The following TRAK1 variants were observed in gnomAD, a reference collection of about 807,000 sequenced individuals.
TRAK1 encodes trafficking kinesin protein 1, also known as trafficking kinesin-binding protein 1.
Under a neutral mutation model 92.1 loss-of-function variants are expected in TRAK1, and 33 were observed. The observed-to-expected ratio is 0.36, with a 90% CI of 0.27 to 0.48. TRAK1 has a LOEUF of 0.48. Among genes scored for constraint, TRAK1 ranks in the 20% least tolerant of loss-of-function variants. The pLI is 0.99. For missense variants in TRAK1, 1,123 were observed against 1,257.9 expected (o/e 0.89, Z 1.62); for synonymous variants, 521 against 517.3 (o/e 1.01, Z -0.10).
In TRAK1 at chr3:42,033,325, G is replaced by A. The variant is rs956966799; in HGVS notation, c.-519+19208G>A. 3.3e-5 allele frequency among the ~76,000 whole-genome samples: 5 copies of A among 152,144 alleles called. No individual in the cohort carries two copies. In the South Asian group the frequency reaches 6.2e-4, roughly 19 times the overall value. ...TTCTGTGAATGTGGTGGGGCGGAGC[G>A]GCTTTGGTGTTTGGAAGCCTGAACC... is the stretch of plus-strand genomic sequence containing the variant. On this transcript the variant is annotated intron_variant, in intron 1 of 16. Transcript: ENST00000487159.
intron 1 of TRAK1, among the ~76,000 whole-genome samples, chr3:42,031,117 C>G (rs1254358872): frequency 6.6e-6 from 1 of 150,406 alleles, no homozygotes; most frequent in Non-Finnish European, 1.5e-5. Flanking sequence ...CTCACTGCAG[C>G]CTCCACCTCC....
rs1288910088 is a variant in TRAK1 at position 42,190,771 on chromosome 3, T to TCCTC, written c.691-774_691-771dup. 7.3e-5 allele frequency among the ~76,000 whole-genome samples: 11 copies of TCCTC among 151,150 alleles called. No individual in the cohort carries two copies. In the East Asian group the frequency reaches 1.2e-3, roughly 16 times the overall value. On this transcript the variant is annotated intron_variant, in intron 6 of 15. Coordinates refer to ENST00000327628, the MANE Select transcript of TRAK1 (RefSeq NM_001042646.3). ...TTGCCTCTTTCTCTCCCTCTTTCTC[T>TCCTC]CCTCCCTCCCTCCCTCTCTCCCTTC...
intron 2 of TRAK1, among the ~76,000 whole-genome samples, chr3:42,172,776 T>A (rs1382561401): frequency 1.3e-5 from 2 of 152,124 alleles, no homozygotes; most frequent in Non-Finnish European, 2.9e-5. Context: ...GGCGTGTGTA[T>A]TTTACTATGG....
chr3:42,118,957 C>G (rs1709513538), intron 1 of TRAK1, among the ~76,000 whole-genome samples: 1 of 152,114 alleles, frequency 6.6e-6, no homozygotes, highest in Non-Finnish European at 1.5e-5. Context: ...CTAGATGGCT[C>G]CACCTGCCTC....
intron 14 of TRAK1, chr3:42,211,679 G>A: frequency 6.1e-6 from 6 of 985,242 alleles, no homozygotes; most frequent in Non-Finnish European, 6.0e-6. Flanking sequence ...TGTACAGAAG[G>A]ACTAAAGCTT....
At chr3:42,033,597 A>G (rs879302286) in intron 1 of TRAK1, among the ~76,000 whole-genome samples, 20 of 152,102 alleles carry the variant, frequency 1.3e-4, no homozygotes, top group Non-Finnish European at 2.6e-4. Context: ...CAATCAATCA[A>G]TCAATCAATA....
At chr3:42,124,623 G>A (rs1468085916) in intron 1 of TRAK1, among the ~76,000 whole-genome samples, 2 of 152,316 alleles carry the variant, frequency 1.3e-5, no homozygotes, top group Admixed American at 1.3e-4. Flanking sequence ...ACAGGTGGTG[G>A]ATCAAGGGTA....
intron 1 of TRAK1, among the ~76,000 whole-genome samples, chr3:42,055,378 T>C (rs183047937): frequency 5.0e-4 from 76 of 152,368 alleles, no homozygotes; most frequent in African/African-American, 1.8e-3. Context: ...TATTGAGATA[T>C]GATTAACATA....
At chr3:42,043,267 G>A (rs1384358324) in intron 1 of TRAK1, among the ~76,000 whole-genome samples, 1 of 151,648 alleles carries the variant, frequency 6.6e-6, no homozygotes, top group Non-Finnish European at 1.5e-5. Context: ...GCCCGTTCCC[G>A]TTCTTTCTTC....
At chr3:42,127,914 C>T (rs899405168) in intron 2 of TRAK1, among the ~76,000 whole-genome samples, 2 of 152,172 alleles carry the variant, frequency 1.3e-5, no homozygotes, top group African/African-American at 4.8e-5. Context: ...CGTGGTGGCT[C>T]ACACCTGTAA....
chr3:42,102,570 C>G (rs4974009), intron 1 of TRAK1, among the ~76,000 whole-genome samples: 113,889 of 152,136 alleles, frequency 0.75, 43,509 homozygotes, highest in African/African-American at 0.9. Flanking sequence ...CAGAGAGAGG[C>G]GTCCTGAAAG....
chr3:42,125,629 A>G lies in TRAK1; in HGVS notation c.286+15A>G, dbSNP rs776065556. ...AAAATACTTCCGTAAGTAGTTGTCCATGTGTGTTGTGATGGCAGTATCATG... is the reference window on the plus strand; with the variant it reads ...AAAATACTTCCGTAAGTAGTTGTCCGTGTGTGTTGTGATGGCAGTATCATG... On this transcript the variant is annotated intron_variant, in intron 2 of 15. Coordinates refer to ENST00000327628, the MANE Select transcript of TRAK1 (RefSeq NM_001042646.3). 1.9e-6 allele frequency: 3 copies of G among 1,613,526 alleles called. No homozygotes were observed. Among genetic ancestry groups the G allele is most frequent in the Non-Finnish European group, 2.5e-6 (3 of 1,179,536 alleles).
In TRAK1 at chr3:42,101,164, T is replaced by C. The variant is rs58565206; in HGVS notation, c.91+9604T>C. Among the ~76,000 whole-genome samples, 40 of 152,306 alleles carry C rather than the reference T, an allele frequency of 2.6e-4. No homozygotes were observed. The East Asian group carries it at 6.8e-3, about 26-fold the overall frequency. ...GGACCTACCTAAGGACATGTTCTCC[T>C]CTGGGCAGAGGACAAGAGCTCAAGA... On this transcript the variant is annotated intron_variant, in intron 1 of 15. Coordinates refer to ENST00000327628, the MANE Select transcript of TRAK1 (RefSeq NM_001042646.3).
chr3:42,188,297 A>G (rs943290852), intron 5 of TRAK1, 152 bp downstream of exon 5: 4 of 683,912 alleles, frequency 5.8e-6, no homozygotes, highest in Non-Finnish European at 1.0e-5. Context: ...AAGTGCCTCA[A>G]ACAGATTGAT....
intron 1 of TRAK1, among the ~76,000 whole-genome samples, chr3:42,032,033 C>T (rs1189202890): frequency 6.6e-6 from 1 of 152,144 alleles, no homozygotes; most frequent in African/African-American, 2.4e-5. Context: ...TCCCCATCTT[C>T]TGAAAAGTGA....
chr3:42,090,670 GA>G (rs1704975139), upstream of TRAK1, among the ~76,000 whole-genome samples: 1 of 152,210 alleles, frequency 6.6e-6, no homozygotes, highest in Non-Finnish European at 1.5e-5. Flanking sequence ...GCGACAGAGT[GA>G]GACTCTCTCA....
chr3:42,197,663 G>A (rs1274630853), intron 10 of TRAK1, among the ~76,000 whole-genome samples: 1 of 152,196 alleles, frequency 6.6e-6, no homozygotes, highest in African/African-American at 2.4e-5. Context: ...AGTCCTTACT[G>A]GACATAACGT....
At chr3:42,155,233 A>G (rs1700410152) in intron 2 of TRAK1, among the ~76,000 whole-genome samples, 1 of 152,050 alleles carries the variant, frequency 6.6e-6, no homozygotes, top group Admixed American at 6.6e-5. Context: ...TGGGAAGGCA[A>G]CTTGGAAACG....
intron 14 of TRAK1, chr3:42,219,155 A>T (rs547313791): frequency 1.0e-6 from 1 of 985,362 alleles, no homozygotes. Flanking sequence ...TGACCTGAGG[A>T]GGGAAACCAA....
Sources: allele counts gnomAD v4.1 joint callset (sites outside exome capture counted in the v4.1 genomes callset), GRCh38; gene constraint gnomAD v4.1.1; transcripts MANE v1.5; gene names NCBI Gene and HGNC (gene_info 2026-07-23, HGNC 2026-07-21).